TOR3A: variants seen among roughly 807,000 people sequenced by gnomAD.
TOR3A encodes the protein torsin family 3 member A.
TOR3A carries 44 observed loss-of-function variants against 42.1 expected under a neutral mutation model. That is an observed-to-expected ratio of 1.04 (90% CI 0.82 to 1.34). The LOEUF (loss-of-function observed/expected upper bound fraction) is 1.34. Among genes scored for constraint, TOR3A ranks in the 40% most tolerant of loss-of-function variants. The pLI, the probability that TOR3A is intolerant of heterozygous loss-of-function variation, is 0.00. For synonymous variants in TOR3A, 227 were observed against 213.2 expected (o/e 1.06, Z -0.57); for missense variants, 521 against 507.6 (o/e 1.03, Z -0.25).
At chr1:179,091,490 A>C (rs1652579688) in intron 4 of TOR3A, among the ~76,000 whole-genome samples, 1 of 152,168 alleles carries the variant, frequency 6.6e-6, no homozygotes, top group African/African-American at 2.4e-5. Flanking sequence ...GACTTTGGCT[A>C]TGGGACAAAA....
intron 4 of TOR3A, 127 bp downstream of exon 4, chr1:179,088,216 A>G (rs1361907104): frequency 3.8e-6 from 4 of 1,047,718 alleles, no homozygotes; most frequent in Non-Finnish European, 5.3e-6. Flanking sequence ...ACTCTGGTAC[A>G]GAAAGCAGCA....
chr1:179,094,583 G>A (rs963906003), intron 5 of TOR3A, among the ~76,000 whole-genome samples: 2 of 152,104 alleles, frequency 1.3e-5, no homozygotes, highest in Admixed American at 6.5e-5. Context: ...ACCTCACCCA[G>A]CCCCTTCAGT....
chr1:179,088,135 A>C, intron 4 of TOR3A, 46 bp downstream of exon 4: 1 of 1,501,156 alleles, frequency 6.7e-7, no homozygotes, highest in Non-Finnish European at 8.9e-7. Context: ...GGAGGGGAAG[A>C]TACTAGCTGG....
Position 179,082,950 on chromosome 1 carries a change from T to C in TOR3A, c.270T>C (p.Leu90=). The C allele has an allele frequency of 1.3e-6, 2 of 1,573,108 alleles. No individual in the cohort carries two copies. The highest frequency in any genetic ancestry group is 1.7e-6 in the Non-Finnish European group (2 of 1,159,574). ...EAATGPLGWR[L]PLLGQRYLDL... is the part of the protein sequence containing the mutation. ...CTCCTCCTTTTCCAGGCTGGCGCCT[T>C]CCTCTGTTGGGCCAGCGGTACCTGG... The change falls in exon 2 of 6, where the codon CTT becomes CTC. Residue 90 remains leucine, a synonymous_variant. Coordinates refer to ENST00000367627, the MANE Select transcript of TOR3A (RefSeq NM_022371.4).
In TOR3A at chr1:179,082,183, G is replaced by A; in HGVS notation, c.55G>A (p.Gly19Ser). The A allele has an allele frequency of 6.6e-7, 1 of 1,508,066 alleles. No individual in the cohort carries two copies. Among genetic ancestry groups the A allele is most frequent in the Non-Finnish European group, 8.8e-7 (1 of 1,137,194 alleles). 93.4% of individuals were successfully genotyped at this position (1,508,066 alleles called of 1,614,324 possible). A position where few individuals can be genotyped will look rare whatever the true frequency, so the allele number is the denominator to read the frequency against. Residue 19 changes from glycine to serine, a missense_variant, in exon 1 of 6, where the codon GGC (glycine) becomes AGC (serine). By Grantham distance (56) the Gly-to-Ser change is moderately conservative. Coordinates refer to ENST00000367627, the MANE Select transcript of TOR3A (RefSeq NM_022371.4). Reference sequence around the variant, plus strand: ...GCTCTTTTTCCTGCTGCTGCTCCCGGGCGCGCCTGAGCCCCGCGGCGCCTC... The same window carrying A: ...GCTCTTTTTCCTGCTGCTGCTCCCGAGCGCGCCTGAGCCCCGCGGCGCCTC... ...LWLFFLLLLP[G>S]APEPRGASRP... is the part of the protein sequence containing the mutation.
At chr1:179,089,551 G>C (rs1572575629) in intron 4 of TOR3A, among the ~76,000 whole-genome samples, 1 of 151,302 alleles carries the variant, frequency 6.6e-6, no homozygotes, top group East Asian at 1.9e-4. Context: ...CTTCCAGTTA[G>C]TTCTTATTCC....
chr1:179,091,409 C>T (rs1347907851), intron 4 of TOR3A, among the ~76,000 whole-genome samples: 3 of 151,996 alleles, frequency 2.0e-5, no homozygotes, highest in Non-Finnish European at 4.4e-5. Context: ...GGAGGGGCGG[C>T]GCGTAGAGAG....
Position 179,094,999 on chromosome 1 carries a change from G to A in TOR3A, c.975G>A (p.Lys325=), listed in dbSNP as rs1652693431. The stretch of plus-strand genomic sequence containing the variant: ...GCTTTGGCCACAGCCGTCTTGTGAA[G>A]GAAAACCTGATTGACTACTTCATCC... The part of the protein sequence containing the change: ...DNGFGHSRLV[K]ENLIDYFIPF... The change falls in exon 6 of 6, where the codon AAG becomes AAA. Residue 325 remains lysine (K), a synonymous_variant. Coordinates refer to ENST00000367627, the MANE Select transcript of TOR3A (RefSeq NM_022371.4). 1 of 1,614,178 alleles carries A rather than the reference G, an allele frequency of 6.2e-7. No individual in the cohort carries two copies. The highest frequency in any genetic ancestry group is 8.5e-7 in the Non-Finnish European group (1 of 1,180,036).
Position 179,094,122 on chromosome 1 carries a change from T to C in TOR3A, c.848T>C (p.Val283Ala), listed in dbSNP as rs755088552. The change falls in exon 5 of 6, where the codon GTG (valine) becomes GCG (alanine). Residue 283 changes from valine (V) to alanine (A), a missense_variant. Coordinates refer to ENST00000367627, the MANE Select transcript of TOR3A (RefSeq NM_022371.4). The stretch of plus-strand genomic sequence containing the variant: ...CTCAGGGGCGATATAATCAATGAGG[T>C]GGTCCTAAAGTTGCTCAAGGCTGGA... ...SNLRGDIINE[V>A]VLKLLKAGWS... 1 of 1,614,034 alleles carries C rather than the reference T, an allele frequency of 6.2e-7. No individual in the cohort carries two copies. Among genetic ancestry groups the C allele is most frequent in the East Asian group, 2.2e-5 (1 of 44,874 alleles).
At chr1:179,093,523 C>T (rs894937337) in intron 4 of TOR3A, among the ~76,000 whole-genome samples, 3 of 152,178 alleles carry the variant, frequency 2.0e-5, no homozygotes, top group African/African-American at 7.2e-5. Context: ...TTCTTAAATC[C>T]TCCTTTCCAT....
rs763448805 is a variant in TOR3A, at chr1:179,095,959, T to TAAAG, written c.*743_*746dup. The TAAAG allele has an allele frequency of 2.8e-5, 28 of 985,250 alleles. No individual in the cohort carries two copies. The highest frequency in any genetic ancestry group is 3.4e-5 in the Non-Finnish European group (28 of 829,904). The allele number at this position is 985,250 out of a possible 1,614,324, so 61.0% of individuals were successfully genotyped here. A position where few individuals can be genotyped will look rare whatever the true frequency, so the allele number is the denominator to read the frequency against. On this transcript the variant is annotated 3_prime_UTR_variant, in exon 6 of 6. Coordinates refer to ENST00000367627, the MANE Select transcript of TOR3A (RefSeq NM_022371.4). ...GGGGTCTTGACATGTTTGTTGTATG[T>TAAAG]AAAGATGATAAGATTAAAATTTTTG...
chr1:179,083,818 A>G (rs1209002890), intron 2 of TOR3A, among the ~76,000 whole-genome samples: 2 of 152,148 alleles, frequency 1.3e-5, no homozygotes, highest in Non-Finnish European at 2.9e-5. Context: ...ACCTGTTCAG[A>G]CATTTGCAAA....
chr1:179,083,424 G>A (rs2102540945), intron 2 of TOR3A, among the ~76,000 whole-genome samples: 1 of 149,924 alleles, frequency 6.7e-6, no homozygotes, highest in South Asian at 2.1e-4. Context: ...ACGGAGGCTT[G>A]CTCTGTCACC....
chr1:179,094,026 G>C, intron 4 of TOR3A, 67 bp from the exon 5 acceptor site: 1 of 1,564,810 alleles, frequency 6.4e-7, no homozygotes, highest in Non-Finnish European at 8.7e-7. Context: ...ATTGGTTTCA[G>C]CGGTGAGATA....
chr1:179,087,766 G>A, intron 3 of TOR3A, 145 bp from the exon 4 acceptor site: 1 of 666,942 alleles, frequency 1.5e-6, no homozygotes, highest in Non-Finnish European at 2.4e-6. Flanking sequence ...CCAAGAGCTT[G>A]GATTTGATAG....
At chr1:179,087,045 A>C (rs528285889) in intron 3 of TOR3A, among the ~76,000 whole-genome samples, 5 of 152,340 alleles carry the variant, frequency 3.3e-5, no homozygotes, top group Admixed American at 2.0e-4. Context: ...AGACTGCTGC[A>C]GCCCCAGCTT....
At chr1:179,085,169 G>A (rs1322660004) in intron 2 of TOR3A, among the ~76,000 whole-genome samples, 3 of 152,330 alleles carry the variant, frequency 2.0e-5, no homozygotes, top group East Asian at 3.9e-4. Flanking sequence ...GCTCACGCCT[G>A]TAATCCCAGC....
At chr1:179,082,888 C>T in intron 1 of TOR3A, 52 bp from the exon 2 acceptor site, 1 of 1,261,138 alleles carries the variant, frequency 7.9e-7, no homozygotes, top group Non-Finnish European at 1.1e-6. Context: ...TGCCGCATCA[C>T]TGTAGAGCAC....
intron 4 of TOR3A, among the ~76,000 whole-genome samples, chr1:179,093,109 G>A (rs1450403879): frequency 6.6e-6 from 1 of 152,192 alleles, no homozygotes; most frequent in Non-Finnish European, 1.5e-5. Flanking sequence ...CCCAGGGAGG[G>A]GAGGAGAGTG....
Sources: allele counts gnomAD v4.1 joint callset (sites outside exome capture counted in the v4.1 genomes callset), GRCh38; gene constraint gnomAD v4.1.1; transcripts MANE v1.5; gene names NCBI Gene and HGNC (gene_info 2026-07-23, HGNC 2026-07-21).